Variants in PDS5A observed in about 807,000 individuals in gnomAD.
PDS5A encodes sister chromatid cohesion protein PDS5 homolog A.
Under a neutral mutation model 167.1 loss-of-function variants are expected in PDS5A, and 42 were observed. The ratio of observed to expected loss-of-function variants is 0.25; its 90% CI spans 0.20 to 0.33. The LOEUF is 0.33. Among genes scored for constraint, PDS5A ranks in the 10% least tolerant of loss-of-function variants. The probability of loss-of-function intolerance (pLI) is 1.00; values close to 1 mark genes in which losing one functional copy is unlikely to be tolerated. For missense variants in PDS5A, 1,033 were observed against 1,605.9 expected (o/e 0.64, Z 6.10); for synonymous variants, 553 against 554.6 (o/e 1.00, Z 0.04).
intron 26 of PDS5A, among the ~76,000 whole-genome samples, chr4:39,861,443 G>A (rs1434845497): frequency 6.6e-6 from 1 of 152,092 alleles, no homozygotes; most frequent in Non-Finnish European, 1.5e-5. Context: ...GGGCAAAAGA[G>A]CAAGACTCCA....
chr4:39,922,031 T>C (rs1177338078), intron 6 of PDS5A, among the ~76,000 whole-genome samples: 1 of 152,096 alleles, frequency 6.6e-6, no homozygotes, highest in Non-Finnish European at 1.5e-5. Flanking sequence ...GGAGAGCAAA[T>C]ATCAACATTG....
intron 26 of PDS5A, among the ~76,000 whole-genome samples, chr4:39,857,684 A>G (rs1186909825): frequency 6.6e-6 from 1 of 152,230 alleles, no homozygotes; most frequent in Non-Finnish European, 1.5e-5. Context: ...TAAAAGGTCA[A>G]TCCAGCAAGA....
At chr4:39,888,241 C>CAAA (rs34845975) in intron 17 of PDS5A, among the ~76,000 whole-genome samples, 27 of 56,218 alleles carry the variant, frequency 4.8e-4, no homozygotes, top group East Asian at 1.8e-3. Context: ...AAGACTCCGG[C>CAAA]AAAAAAAAAA....
intron 12 of PDS5A, 55 bp downstream of exon 12, chr4:39,903,985 T>C: frequency 9.8e-7 from 1 of 1,021,714 alleles, no homozygotes; most frequent in Non-Finnish European, 1.4e-6. Context: ...AATAGACATT[T>C]TTTAAGTAAA....
intron 32 of PDS5A, among the ~76,000 whole-genome samples, chr4:39,829,407 T>C (rs1715608435): frequency 6.6e-6 from 1 of 152,060 alleles, no homozygotes; most frequent in Admixed American, 6.6e-5. Flanking sequence ...TCCCAGCACT[T>C]TGGGAGGCCG....
In PDS5A at chr4:39,829,087, G is replaced by A. The variant is rs150638320; in HGVS notation, c.4011-3599C>T. 5.9e-3 allele frequency among the ~76,000 whole-genome samples: 902 copies of A among 152,220 alleles called. 8 individuals are homozygous for A. Among genetic ancestry groups the A allele is most frequent in the African/African-American group, 0.02 (839 of 41,528 alleles). ...TGATTCTATCACCCTGTAGCTCAGC[G>A]GTGTGTTTGATTGCTCTCAGGTTTG... On this transcript the variant is annotated intron_variant, in intron 32 of 32. Coordinates refer to ENST00000303538, the MANE Select transcript of PDS5A (RefSeq NM_001100399.2).
intron 7 of PDS5A, among the ~76,000 whole-genome samples, chr4:39,919,073 C>T (rs1560483254): frequency 6.6e-6 from 1 of 152,120 alleles, no homozygotes. Context: ...TTCTTTACTA[C>T]TATTATTGTT....
At chr4:39,924,416 C>A (rs1230909404) in intron 5 of PDS5A, among the ~76,000 whole-genome samples, 1 of 152,222 alleles carries the variant, frequency 6.6e-6, no homozygotes. Context: ...AGTCAAATGC[C>A]ACAGAAGTTT....
intron 3 of PDS5A, 96 bp from the exon 4 acceptor site, chr4:39,926,957 A>G (rs1725531432): frequency 9.9e-7 from 1 of 1,010,894 alleles, no homozygotes; most frequent in South Asian, 3.5e-5. Flanking sequence ...ACAAACTACA[A>G]TAAAAGAAAA....
At chr4:39,911,486 T>C (rs1723878744) in intron 9 of PDS5A, among the ~76,000 whole-genome samples, 1 of 151,974 alleles carries the variant, frequency 6.6e-6, no homozygotes, top group African/African-American at 2.4e-5. Context: ...CTTTTAAAGG[T>C]CTAGTATACG....
Position 39,890,327 on chromosome 4 carries a change from G to A in PDS5A, c.1808C>T (p.Pro603Leu), listed in dbSNP as rs1452034523. 6.3e-7 allele frequency: 1 copy of A among 1,584,376 alleles called. No homozygotes were observed. Among genetic ancestry groups the A allele is most frequent in the Admixed American group, 1.8e-5 (1 of 55,586 alleles). The change falls in exon 17 of 33, where the codon CCA becomes CTA. Residue 603 changes from proline (P) to leucine (L), a missense_variant. By Grantham distance (98) the Pro-to-Leu change is moderately conservative (BLOSUM62 -3). This residue lies in a region of PDS5A where 367 missense variants were observed against 686.7 expected (regional missense o/e 0.53). Coordinates refer to ENST00000303538, the MANE Select transcript of PDS5A (RefSeq NM_001100399.2). ...IARKLANPKQ[P>L]TNPFLEMVKF... ...GACCATCTCTAGAAAAGGATTTGTT[G>A]GTTGCTTAGGATTTGCAAGTTTCCG...
At chr4:39,855,282 A>C (rs924913216) in intron 26 of PDS5A, among the ~76,000 whole-genome samples, 1 of 152,202 alleles carries the variant, frequency 6.6e-6, no homozygotes, top group Non-Finnish European at 1.5e-5. Context: ...GTCTACACAA[A>C]ACAAGGAATA....
At chr4:39,966,785 G>T (rs1482613035) in intron 2 of PDS5A, among the ~76,000 whole-genome samples, 1 of 152,102 alleles carries the variant, frequency 6.6e-6, no homozygotes, top group Non-Finnish European at 1.5e-5. Context: ...ATCACTTGAG[G>T]TCAGGGGTTC....
intron 32 of PDS5A, among the ~76,000 whole-genome samples, chr4:39,831,088 T>C (rs908239875): frequency 2.6e-5 from 4 of 152,144 alleles, no homozygotes; most frequent in African/African-American, 9.7e-5. Context: ...CTTAGCCACA[T>C]AGAGTTGTTT....
rs754446280 is a variant in PDS5A at position 39,863,463 on chromosome 4, T to A, written c.2643-4A>T. Reference sequence around the variant, plus strand: ...CAAGCGAGACATATCAGATTTACTATAAACAAACAAAAAAGAAATAAACAT... The same window carrying A: ...CAAGCGAGACATATCAGATTTACTAAAAACAAACAAAAAAGAAATAAACAT... On this transcript the variant is annotated splice_region_variant and splice_polypyrimidine_tract_variant and intron_variant, in intron 23 of 32. Transcript: ENST00000303538. 8 of 1,579,106 alleles carry A rather than the reference T, an allele frequency of 5.1e-6. No individual in the cohort carries two copies. In the African/African-American group the frequency reaches 5.5e-5, roughly 11 times the overall value.
At chr4:39,976,709 G>T in intron 1 of PDS5A, 92 bp from the exon 2 acceptor site, 1 of 621,126 alleles carries the variant, frequency 1.6e-6, no homozygotes. Context: ...AAAAGGCCCT[G>T]TCTCCCCAGA....
At chr4:39,971,321 A>T (rs1014118416) in intron 2 of PDS5A, among the ~76,000 whole-genome samples, 1 of 151,544 alleles carries the variant, frequency 6.6e-6, no homozygotes, top group Non-Finnish European at 1.5e-5. Context: ...CGCCTGGATA[A>T]TTTTTTTGTA....
rs891058456 is a variant in PDS5A at position 39,928,799 on chromosome 4, T to TAGGC, written c.139-639_139-636dup. 4.1e-5 allele frequency among the ~76,000 whole-genome samples: 6 copies of TAGGC among 147,134 alleles called. No homozygotes were observed. The Admixed American group carries it at 4.2e-4, about 10-fold the overall frequency. On this transcript the variant is annotated intron_variant, in intron 2 of 32. Transcript: ENST00000303538. ...AAGATCACACCACTGCAATCCAGAC[T>TAGGC]AGGCAACAGAGTGAGACACTGTCTT...
chr4:39,830,178 T>A (rs769527779), intron 32 of PDS5A, among the ~76,000 whole-genome samples: 5 of 151,908 alleles, frequency 3.3e-5, no homozygotes, highest in African/African-American at 4.8e-5. Context: ...AGATATCTGC[T>A]CATAAAACAC....
Sources: gnomAD v4.1 joint callset for allele counts (sites outside exome capture counted in the v4.1 genomes callset) on GRCh38, gnomAD v4.1.1 for gene constraint, gnomAD v4.1.1 regional missense constraint, MANE v1.5 for transcripts, NCBI Gene and HGNC (gene_info 2026-07-23, HGNC 2026-07-21) for gene names.